Variants in POLR2K observed in about 807,000 individuals in gnomAD.
The protein encoded by POLR2K is RNA polymerase II, I and III subunit K.
In POLR2K, 9 loss-of-function variants were observed where a neutral mutation model predicts 10.1. That is an observed-to-expected ratio of 0.89 (90% CI 0.54 to 1.56). POLR2K has a LOEUF of 1.56. POLR2K is among the 40% of genes most tolerant of loss of function. The pLI is 0.00. For synonymous variants in POLR2K, 19 were observed against 20.3 expected, an observed-to-expected ratio of 0.94 and a Z score of 0.17; for missense variants, 53 against 71.9, an observed-to-expected ratio of 0.74 and a Z score of 0.95.
At chr8:100,151,459 T>A (rs761754094) in intron 2 of POLR2K, 43 bp downstream of exon 2, 3 of 1,260,448 alleles carry the variant, frequency 2.4e-6, no homozygotes, top group Non-Finnish European at 3.5e-6. Context: ...TTTATTTAAG[T>A]TTTTTTGAAA....
At chr8:100,151,684 T>A in intron 2 of POLR2K, 140 bp from the exon 3 acceptor site, 1 of 598,598 alleles carries the variant, frequency 1.7e-6, no homozygotes, top group Non-Finnish European at 3.0e-6. Context: ...CTATTTAATA[T>A]ATTTAATAAA....
chr8:100,153,330 A>C lies in POLR2K; in HGVS notation c.*14A>C. The C allele has an allele frequency of 6.2e-7, 1 of 1,605,250 alleles. No homozygotes were observed. The highest frequency in any genetic ancestry group is 8.5e-7 in the Non-Finnish European group (1 of 1,172,960). Reference sequence around the variant, plus strand: ...GATGCTCGATGAATGCTGGGAATTCAGAGGAATGTCTTCACTTATACTTGG... The same window carrying C: ...GATGCTCGATGAATGCTGGGAATTCCGAGGAATGTCTTCACTTATACTTGG... On this transcript the variant is annotated 3_prime_UTR_variant, in exon 4 of 4. Transcript: ENST00000353107.
intron 3 of POLR2K, among the ~76,000 whole-genome samples, chr8:100,152,912 C>T (rs1045391945): frequency 6.6e-5 from 10 of 152,176 alleles, no homozygotes; most frequent in Non-Finnish European, 2.9e-5. Flanking sequence ...GGACTACAGG[C>T]ACCCGCCACC....
chr8:100,153,417 CCTTAT>C lies in POLR2K; in HGVS notation c.*105_*109del. ...TTCGATTTTGCTTACAGTAGTTCCC[CCTTAT>C]CTTCGGGAGATACATTCCAAGGCCC... is the stretch of plus-strand genomic sequence containing the variant. On this transcript the variant is annotated 3_prime_UTR_variant, in exon 4 of 4. Transcript: ENST00000353107. The C allele has an allele frequency of 1.9e-6, 2 of 1,031,518 alleles. No homozygotes were observed. The highest frequency in any genetic ancestry group is 3.0e-6 in the Non-Finnish European group (2 of 666,252). The allele number at this position is 1,031,518 out of a possible 1,614,324, so 63.9% of individuals were successfully genotyped here.
chr8:100,152,106 T>C (rs1394285035), intron 3 of POLR2K, 190 bp downstream of exon 3: 12 of 592,002 alleles, frequency 2.0e-5, no homozygotes, highest in Non-Finnish European at 3.5e-5. Context: ...TTGATTTTGG[T>C]TCTCATAAAT....
rs542825522 is a variant in POLR2K, at chr8:100,151,318, A to G, written c.-9-29A>G. 4.1e-6 allele frequency: 6 copies of G among 1,449,714 alleles called. No homozygotes were observed. In the South Asian group the frequency reaches 4.6e-5, roughly 11 times the overall value. The allele number at this position is 1,449,714 out of a possible 1,614,324, so 89.8% of individuals were successfully genotyped here. ...TGGACTTGTGAGAAGCCCTTTTGAG[A>G]TATTCAGTATTTGAGTCTGTGATTT... On this transcript the variant is annotated intron_variant, in intron 1 of 3. Transcript: ENST00000353107.
intron 3 of POLR2K, 34 bp from the exon 4 acceptor site, chr8:100,153,260 G>A: frequency 1.9e-6 from 3 of 1,558,600 alleles, no homozygotes; most frequent in Admixed American, 3.4e-5. Context: ...TAATGTTTAA[G>A]TACCGTTTTT....
rs1007037902 is a variant in POLR2K at position 100,151,433 on chromosome 8, C to A, written c.61+17C>A. ...TCTGTGGAGGTAAGAGTAGCACTTA[C>A]CTAAAGTAAGAATATTTTATTTAAG... On this transcript the variant is annotated intron_variant, in intron 2 of 3. Coordinates refer to ENST00000353107, the MANE Select transcript of POLR2K (RefSeq NM_005034.4). The A allele has an allele frequency of 1.4e-6, 2 of 1,478,036 alleles. No individual in the cohort carries two copies. Among genetic ancestry groups the A allele is most frequent in the Non-Finnish European group, 1.9e-6 (2 of 1,056,158 alleles). 91.6% of individuals were successfully genotyped at this position (1,478,036 alleles called of 1,614,324 possible).
At chr8:100,152,812 C>G (rs112830580) in intron 3 of POLR2K, among the ~76,000 whole-genome samples, 1 of 151,970 alleles carries the variant, frequency 6.6e-6, no homozygotes, top group Non-Finnish European at 1.5e-5. Flanking sequence ...GTCACCCAGG[C>G]TGGTGTGCAG....
intron 2 of POLR2K, 56 bp downstream of exon 2, chr8:100,151,472 G>A: frequency 9.0e-7 from 1 of 1,116,968 alleles, no homozygotes; most frequent in Middle Eastern, 2.0e-4. Context: ...TTTTGAAATT[G>A]TTACATTTAT....
chr8:100,151,965 A>T, intron 3 of POLR2K, 49 bp downstream of exon 3: 1 of 860,240 alleles, frequency 1.2e-6, no homozygotes, highest in Non-Finnish European at 2.0e-6. Context: ...GGAAATGAAT[A>T]ATGCTGGGGT....
At position 100,153,418 on chromosome 8, in the gene POLR2K, C is replaced by A; in HGVS notation, c.*102C>A. ...TCGATTTTGCTTACAGTAGTTCCCCCTTATCTTCGGGAGATACATTCCAAG... is the reference window on the plus strand; with the variant it reads ...TCGATTTTGCTTACAGTAGTTCCCCATTATCTTCGGGAGATACATTCCAAG... On this transcript the variant is annotated 3_prime_UTR_variant, in exon 4 of 4. Coordinates refer to ENST00000353107, the MANE Select transcript of POLR2K (RefSeq NM_005034.4). The A allele has an allele frequency of 9.9e-7, 1 of 1,014,842 alleles. No homozygotes were observed. Among genetic ancestry groups the A allele is most frequent in the Non-Finnish European group, 1.5e-6 (1 of 651,516 alleles). 62.9% of individuals were successfully genotyped at this position (1,014,842 alleles called of 1,614,324 possible). A position where few individuals can be genotyped will look rare whatever the true frequency, so the allele number is the denominator to read the frequency against.
intron 2 of POLR2K, 89 bp downstream of exon 2, chr8:100,151,505 G>A: frequency 2.3e-6 from 2 of 874,940 alleles, no homozygotes; most frequent in South Asian, 2.8e-5. Context: ...TGAGTTACTG[G>A]TCTTCAGAGT....
chr8:100,151,918 T>C lies in POLR2K; in HGVS notation c.154+2T>C. ...TGTACAAGAAAAGGACTAAAAGATG[T>C]ATCCTTTTAACGATGCTTTCTAAAT... On this transcript the variant is annotated splice_donor_variant, in intron 3 of 3. Coordinates refer to ENST00000353107, the MANE Select transcript of POLR2K (RefSeq NM_005034.4). LOFTEE classifies it high-confidence loss of function. The C allele has an allele frequency of 7.8e-7, 1 of 1,285,132 alleles. No homozygotes were observed. Among genetic ancestry groups the C allele is most frequent in the Non-Finnish European group, 1.1e-6 (1 of 881,598 alleles). The allele number at this position is 1,285,132 out of a possible 1,614,324, so 79.6% of individuals were successfully genotyped here.
chr8:100,152,045 A>C (rs1471720358), intron 3 of POLR2K, 129 bp downstream of exon 3: 4 of 664,364 alleles, frequency 6.0e-6, no homozygotes. Flanking sequence ...AAACATGATT[A>C]GCATTTTCAT....
In POLR2K at chr8:100,153,299, G is replaced by A. The variant is rs774973417; in HGVS notation, c.160G>A (p.Val54Ile). ...CTTAACTCAAATTAATACAGTGGTC[G>A]TTTTTGATGCTCGATGAATGCTGGG... ...MYKKRTKRLV[V>I]FDAR Residue 54 changes from valine to isoleucine, a missense_variant, in exon 4 of 4, where the codon GTT (valine) becomes ATT (isoleucine). Physicochemically the swap from Val to Ile is conservative, Grantham distance 29. Transcript: ENST00000353107. The A allele has an allele frequency of 3.1e-5, 50 of 1,608,422 alleles. No individual in the cohort carries two copies. The highest frequency in any genetic ancestry group is 3.3e-4 in the Middle Eastern group (2 of 6,070).
At position 100,153,284 on chromosome 8, in the gene POLR2K, A is replaced by G; in HGVS notation, c.155-10A>G. The G allele has an allele frequency of 2.5e-6, 4 of 1,605,448 alleles. No homozygotes were observed. The highest frequency in any genetic ancestry group is 3.4e-6 in the Non-Finnish European group (4 of 1,173,352). On this transcript the variant is annotated splice_polypyrimidine_tract_variant and intron_variant, in intron 3 of 3. Transcript: ENST00000353107. Reference sequence around the variant, plus strand: ...AGTACCGTTTTTGTCCTTAACTCAAATTAATACAGTGGTCGTTTTTGATGC... The same window carrying G: ...AGTACCGTTTTTGTCCTTAACTCAAGTTAATACAGTGGTCGTTTTTGATGC...
chr8:100,153,554 GATT>G lies in POLR2K; in HGVS notation c.*240_*242del. The G allele has an allele frequency of 2.6e-6, 1 of 378,864 alleles. No individual in the cohort carries two copies. Among genetic ancestry groups the G allele is most frequent in the South Asian group, 7.1e-5 (1 of 14,006 alleles). 23.5% of individuals were successfully genotyped at this position (378,864 alleles called of 1,614,324 possible). ...AATGTATAAATTAAGCATAGCAAGA[GATT>G]AATAATAATGTAATAGAACAATGAT... On this transcript the variant is annotated 3_prime_UTR_variant, in exon 4 of 4. Coordinates refer to ENST00000353107, the MANE Select transcript of POLR2K (RefSeq NM_005034.4).
chr8:100,153,147 G>A, intron 3 of POLR2K, 147 bp from the exon 4 acceptor site: 1 of 604,028 alleles, frequency 1.7e-6, no homozygotes, highest in South Asian at 2.1e-5. Flanking sequence ...TTAAAAACCA[G>A]TTGTCATAGT....
Sources: gnomAD v4.1 joint callset for allele counts (sites outside exome capture counted in the v4.1 genomes callset) on GRCh38, gnomAD v4.1.1 for gene constraint, MANE v1.5 for transcripts, NCBI Gene and HGNC (gene_info 2026-07-23, HGNC 2026-07-21) for gene names.